The following EZH1 variants were observed in gnomAD, a reference collection of about 807,000 sequenced individuals.
The protein encoded by EZH1 is histone-lysine N-methyltransferase EZH1.
EZH1 carries 33 observed loss-of-function variants against 100.5 expected under a neutral mutation model. That is an observed-to-expected ratio of 0.33 (90% CI 0.25 to 0.44). EZH1 has a LOEUF of 0.44. Ranked by LOEUF, EZH1 falls within the 20% of genes least tolerant of loss-of-function variation. EZH1 has a pLI of 1.00. For synonymous variants in EZH1, 272 were observed against 313.8 expected, an observed-to-expected ratio of 0.87 and a Z score of 1.41; for missense variants, 475 against 928.4, an observed-to-expected ratio of 0.51 and a Z score of 6.35.
intron 6 of EZH1, among the ~76,000 whole-genome samples, chr17:42,722,273 T>C (rs1331866123): frequency 1.3e-5 from 2 of 148,706 alleles, no homozygotes; most frequent in African/African-American, 2.5e-5. Context: ...GCTATGATCA[T>C]GCCACTGCAT....
At chr17:42,731,221 C>T (rs1038196388) in intron 1 of EZH1, among the ~76,000 whole-genome samples, 3 of 151,950 alleles carry the variant, frequency 2.0e-5, no homozygotes, top group Non-Finnish European at 4.4e-5. Context: ...GGGTTCAAGC[C>T]ATTCTCCTGC....
chr17:42,716,488 C>T (rs1303452561), intron 10 of EZH1, among the ~76,000 whole-genome samples: 1 of 152,096 alleles, frequency 6.6e-6, no homozygotes, highest in Admixed American at 6.5e-5. Context: ...GCACTCAAAC[C>T]TAAAACGCAA....
chr17:42,703,156 TAA>T (rs1273923382), intron 19 of EZH1, 195 bp from the exon 20 acceptor site: 4 of 568,526 alleles, frequency 7.0e-6, no homozygotes, highest in Non-Finnish European at 1.2e-5. Context: ...ATTATTATTA[TAA>T]GTGGGGTTTT....
chr17:42,738,755 A>ATTTTT (rs763333138), intron 1 of EZH1, among the ~76,000 whole-genome samples: 3 of 91,214 alleles, frequency 3.3e-5, no homozygotes, highest in South Asian at 6.7e-4. Flanking sequence ...CCTGGCCTAG[A>ATTTTT]TTTTTTTTTT....
At chr17:42,715,175 T>C (rs977291112) in intron 10 of EZH1, among the ~76,000 whole-genome samples, 12 of 139,850 alleles carry the variant, frequency 8.6e-5, no homozygotes, top group African/African-American at 3.2e-4. Flanking sequence ...TATTTATATA[T>C]AATATATATC....
intron 10 of EZH1, among the ~76,000 whole-genome samples, chr17:42,714,091 G>A (rs1158295922): frequency 6.6e-6 from 1 of 152,086 alleles, no homozygotes; most frequent in African/African-American, 2.4e-5. Context: ...TCCCAAATCT[G>A]TGTATGAAAC....
Position 42,744,997 on chromosome 17 carries a change from G to C in EZH1, c.-103+14C>G, listed in dbSNP as rs927103489. ...CGGCCCCACCGCCCGGCCCAGGCTT[G>C]TTTACTCACTCACCCTCCATCCCGA... On this transcript the variant is annotated intron_variant, in intron 1 of 20. Coordinates refer to ENST00000428826, the MANE Select transcript of EZH1 (RefSeq NM_001991.5). 5 of 1,274,822 alleles carry C rather than the reference G, an allele frequency of 3.9e-6. No homozygotes were observed. The African/African-American group carries it at 7.8e-5, about 20-fold the overall frequency. 79.0% of individuals were successfully genotyped at this position (1,274,822 alleles called of 1,614,324 possible).
At chr17:42,705,645 G>T in intron 16 of EZH1, 1 of 178,356 alleles carries the variant, frequency 5.6e-6, no homozygotes, top group South Asian at 1.2e-4. Flanking sequence ...TCAGCCTTCT[G>T]AGTAGCTGGG....
intron 18 of EZH1, 21 bp from the exon 19 acceptor site, chr17:42,703,841 A>G (rs753974684): frequency 2.5e-6 from 4 of 1,576,908 alleles, no homozygotes; most frequent in Non-Finnish European, 3.5e-6. Context: ...TAAATCAAGG[A>G]AAACCATAAG....
chr17:42,738,426 TTATTTATTTG>T (rs1468962637), intron 1 of EZH1, among the ~76,000 whole-genome samples: 2 of 151,872 alleles, frequency 1.3e-5, no homozygotes, highest in African/African-American at 4.8e-5. Context: ...TTTTTTAATT[TTATTTATTTG>T]TATTTATTAT....
chr17:42,709,742 T>C (rs1244271302), intron 13 of EZH1, 104 bp downstream of exon 13: 8 of 1,039,224 alleles, frequency 7.7e-6, no homozygotes, highest in Non-Finnish European at 1.2e-5. Context: ...TCACACAGCC[T>C]GTGCGGTTGC....
intron 10 of EZH1, among the ~76,000 whole-genome samples, chr17:42,716,133 A>G (rs2053600759): frequency 6.6e-6 from 1 of 152,094 alleles, no homozygotes; most frequent in Non-Finnish European, 1.5e-5. Flanking sequence ...ACAAAACACA[A>G]CACAAAAATA....
intron 1 of EZH1, among the ~76,000 whole-genome samples, chr17:42,743,636 T>A (rs2054220992): frequency 6.9e-6 from 1 of 144,868 alleles, no homozygotes; most frequent in African/African-American, 2.6e-5. Context: ...CATCTGGCTA[T>A]TTTTTTTTTG....
intron 10 of EZH1, among the ~76,000 whole-genome samples, chr17:42,714,989 A>T (rs111341427): frequency 7.9e-5 from 11 of 138,552 alleles, no homozygotes; most frequent in South Asian, 6.4e-4. Context: ...AAATATATTT[A>T]TATATAATTT....
rs189747776 is a variant in EZH1 at position 42,727,103 on chromosome 17, G to A, written c.246+532C>T. 4.9e-3 allele frequency among the ~76,000 whole-genome samples: 742 copies of A among 152,218 alleles called. 2 individuals are homozygous for A. The highest frequency in any genetic ancestry group is 9.4e-3 in the Admixed American group (144 of 15,252). On this transcript the variant is annotated intron_variant, in intron 4 of 20. Transcript: ENST00000428826. ...GGCCTCAAGTGATCCATCTGCCTCA[G>A]CCTCCCGAAGTGCTGAGATTACAGG... is the stretch of plus-strand genomic sequence containing the variant.
chr17:42,723,331 C>T (rs547690725), intron 5 of EZH1, among the ~76,000 whole-genome samples: 16 of 150,880 alleles, frequency 1.1e-4, no homozygotes, highest in East Asian at 1.9e-4. Context: ...GCTGAGATCG[C>T]GCCACTGTAC....
intron 17 of EZH1, 71 bp downstream of exon 17, chr17:42,705,017 G>T: frequency 1.5e-6 from 2 of 1,298,376 alleles, no homozygotes; most frequent in Non-Finnish European, 2.2e-6. Context: ...AAGAAGCCTG[G>T]CCCACAGAAA....
chr17:42,711,047 G>A (rs1217402973), intron 12 of EZH1, among the ~76,000 whole-genome samples: 2 of 152,132 alleles, frequency 1.3e-5, no homozygotes, highest in Non-Finnish European at 2.9e-5. Flanking sequence ...CCTGACAGCT[G>A]CCTCCTTGTC....
At position 42,718,446 on chromosome 17, in the gene EZH1, C is replaced by T. The variant is rs1377039986; in HGVS notation, c.931+8G>A. On this transcript the variant is annotated splice_region_variant and intron_variant, in intron 9 of 20. Coordinates refer to ENST00000428826, the MANE Select transcript of EZH1 (RefSeq NM_001991.5). The surrounding 1 kb of genome is among the most constrained non-coding windows in gnomAD (Gnocchi z 4.2). ...GGAGAGCATTTCAAACAGAGTAGCC[C>T]CACTCACGGTGAAGGAAGCAGTCGT... 1 of 1,612,866 alleles carries T rather than the reference C, an allele frequency of 6.2e-7. No individual in the cohort carries two copies. The highest frequency in any genetic ancestry group is 8.5e-7 in the Non-Finnish European group (1 of 1,179,894).
Sources: gnomAD v4.1 joint callset for allele counts (sites outside exome capture counted in the v4.1 genomes callset) on GRCh38, gnomAD v4.1.1 for gene constraint, Gnocchi (gnomAD v3.1) non-coding constraint, MANE v1.5 for transcripts, NCBI Gene and HGNC (gene_info 2026-07-23, HGNC 2026-07-21) for gene names.